AGFG1: variants seen among roughly 807,000 people sequenced by gnomAD.
AGFG1 encodes the protein ArfGAP with FG repeats 1.
AGFG1 carries 10 observed loss-of-function variants against 60.6 expected under a neutral mutation model. The ratio of observed to expected loss-of-function variants is 0.16; its 90% CI spans 0.10 to 0.28. The LOEUF is 0.28. Ranked by LOEUF, AGFG1 falls within the 10% of genes least tolerant of loss-of-function variation. The pLI is 1.00. For synonymous variants in AGFG1, 247 were observed against 242.9 expected, an observed-to-expected ratio of 1.02 and a Z score of -0.16; for missense variants, 537 against 676.5, an observed-to-expected ratio of 0.79 and a Z score of 2.29.
At position 227,533,634 on chromosome 2, in the gene AGFG1, T is replaced by TA. The variant is rs1692223753; in HGVS notation, c.901dup (p.Thr301AsnfsTer12). 6.2e-7 allele frequency: 1 copy of TA among 1,613,742 alleles called. No individual in the cohort carries two copies. Among genetic ancestry groups the TA allele is most frequent in the Admixed American group, 1.7e-5 (1 of 59,964 alleles). ...CCAGTGCTGATTTTGGAACCTTCAATACTTCCCAGAGTCATCAAACAGCAT... is the reference window on the plus strand; with the variant it reads ...CCAGTGCTGATTTTGGAACCTTCAATAACTTCCCAGAGTCATCAAACAGCAT... On this transcript the variant is annotated frameshift_variant, in exon 7 of 13. Coordinates refer to ENST00000310078, the MANE Select transcript of AGFG1 (RefSeq NM_004504.5). LOFTEE classifies it high-confidence loss of function.
intron 2 of AGFG1, among the ~76,000 whole-genome samples, chr2:227,514,189 C>T (rs193234615): frequency 6.6e-6 from 1 of 152,226 alleles, no homozygotes; most frequent in Non-Finnish European, 1.5e-5. Flanking sequence ...AGAGACCAGG[C>T]CCAAAAGTAA....
chr2:227,524,988 A>C, intron 5 of AGFG1, 73 bp downstream of exon 5: 1 of 1,539,628 alleles, frequency 6.5e-7, no homozygotes, highest in Non-Finnish European at 8.9e-7. Context: ...TCTTTATCAC[A>C]CTTTGAGGAT....
chr2:227,490,363 G>A (rs1575068469), intron 1 of AGFG1, among the ~76,000 whole-genome samples: 1 of 152,110 alleles, frequency 6.6e-6, no homozygotes, highest in East Asian at 1.9e-4. Context: ...TGGATCACGA[G>A]GTCAGGAGAT....
chr2:227,510,037 A>G (rs1480541086), intron 2 of AGFG1, among the ~76,000 whole-genome samples: 1 of 152,216 alleles, frequency 6.6e-6, no homozygotes, highest in African/African-American at 2.4e-5. Context: ...AGTTTGAGAT[A>G]GTTGGGCAGA....
chr2:227,510,575 C>G (rs1224747888), intron 2 of AGFG1: 2 of 152,256 alleles, frequency 1.3e-5, no homozygotes, highest in African/African-American at 4.8e-5. Context: ...GGCACTCAGA[C>G]TGCCCAGGTC....
intron 10 of AGFG1, among the ~76,000 whole-genome samples, chr2:227,543,870 T>G (rs1002003836): frequency 1.3e-5 from 2 of 152,148 alleles, no homozygotes; most frequent in Non-Finnish European, 2.9e-5. Flanking sequence ...TTAGGATAGT[T>G]AGCTCTTCTT....
At chr2:227,505,577 A>G (rs1691289439) in intron 2 of AGFG1, among the ~76,000 whole-genome samples, 2 of 152,018 alleles carry the variant, frequency 1.3e-5, no homozygotes, top group African/African-American at 4.8e-5. Context: ...TGTTATCTCT[A>G]AGCTCTAATT....
intron 2 of AGFG1, among the ~76,000 whole-genome samples, chr2:227,511,766 C>G (rs1003977782): frequency 3.3e-5 from 5 of 152,130 alleles, no homozygotes; most frequent in Non-Finnish European, 5.9e-5. Flanking sequence ...AGTGTTGAAT[C>G]AGAGAGGAGG....
intron 2 of AGFG1, among the ~76,000 whole-genome samples, chr2:227,494,291 G>A (rs898523312): frequency 3.9e-5 from 6 of 152,044 alleles, no homozygotes; most frequent in Non-Finnish European, 4.4e-5. Context: ...ACCTTTAAAT[G>A]GTAAATATCA....
At chr2:227,523,623 CAA>C in intron 3 of AGFG1, 138 bp from the exon 4 acceptor site, 13 of 753,636 alleles carry the variant, frequency 1.7e-5, no homozygotes, top group Non-Finnish European at 2.4e-5. Context: ...AAAAAATATG[CAA>C]AGTTATTCTG....
chr2:227,508,026 T>G (rs1284252202), intron 2 of AGFG1, among the ~76,000 whole-genome samples: 3 of 151,970 alleles, frequency 2.0e-5, no homozygotes, highest in African/African-American at 7.2e-5. Context: ...AATTAACCTG[T>G]GAGCCACCCG....
intron 6 of AGFG1, among the ~76,000 whole-genome samples, chr2:227,531,795 A>G (rs6740552): frequency 0.6 from 90,844 of 151,820 alleles, 27,240 homozygotes; most frequent in South Asian, 0.69. Context: ...ATACCTCTTA[A>G]TAAAGGAAGC....
chr2:227,484,127 A>G (rs1487638206), intron 1 of AGFG1, among the ~76,000 whole-genome samples: 1 of 152,168 alleles, frequency 6.6e-6, no homozygotes, highest in Non-Finnish European at 1.5e-5. Flanking sequence ...TCCAGAGTTA[A>G]TCAGTATTTT....
At chr2:227,525,910 T>C (rs1241823229) in intron 5 of AGFG1, among the ~76,000 whole-genome samples, 1 of 152,214 alleles carries the variant, frequency 6.6e-6, no homozygotes, top group African/African-American at 2.4e-5. Flanking sequence ...TGTTCTGAAT[T>C]TATTCCTTCA....
chr2:227,529,203 T>C (rs900259813), intron 5 of AGFG1, among the ~76,000 whole-genome samples: 1 of 152,168 alleles, frequency 6.6e-6, no homozygotes. Context: ...TAGTTTTTAG[T>C]TAAATACTAG....
At chr2:227,520,537 C>T (rs766001733) in intron 3 of AGFG1, among the ~76,000 whole-genome samples, 77 of 152,146 alleles carry the variant, frequency 5.1e-4, no homozygotes, top group Middle Eastern at 3.4e-3. Flanking sequence ...TTTCTTTTGA[C>T]CTAAGAAATC....
chr2:227,500,380 A>G (rs1691117913), intron 2 of AGFG1, among the ~76,000 whole-genome samples: 1 of 152,176 alleles, frequency 6.6e-6, no homozygotes, highest in Non-Finnish European at 1.5e-5. Flanking sequence ...GTGCCATCTA[A>G]TGGCAGCATA....
intron 5 of AGFG1, among the ~76,000 whole-genome samples, chr2:227,528,973 CTG>C (rs979243462): frequency 5.9e-5 from 9 of 152,178 alleles, no homozygotes; most frequent in African/African-American, 1.9e-4. Flanking sequence ...TACATGTAGG[CTG>C]TGAGTCAGGC....
intron 10 of AGFG1, among the ~76,000 whole-genome samples, chr2:227,547,664 A>C (rs1692693485): frequency 6.6e-6 from 1 of 152,248 alleles, no homozygotes; most frequent in Non-Finnish European, 1.5e-5. Flanking sequence ...GAAGGTATAC[A>C]GATGGCCAAT....
Sources: allele counts gnomAD v4.1 joint callset (sites outside exome capture counted in the v4.1 genomes callset), GRCh38; gene constraint gnomAD v4.1.1; transcripts MANE v1.5; gene names NCBI Gene and HGNC (gene_info 2026-07-23, HGNC 2026-07-21).